The following THSD7A variants were observed in gnomAD, a reference collection of about 807,000 sequenced individuals.
THSD7A encodes the protein thrombospondin type-1 domain-containing protein 7A.
THSD7A carries 96 observed loss-of-function variants against 231.3 expected under a neutral mutation model. The ratio of observed to expected loss-of-function variants is 0.41; its 90% confidence interval spans 0.35 to 0.49. THSD7A has a LOEUF of 0.49. Among genes scored for constraint, THSD7A ranks in the 20% least tolerant of loss-of-function variants. The probability of loss-of-function intolerance (pLI) is 0.05; values close to 1 mark genes in which losing one functional copy is unlikely to be tolerated. For synonymous variants in THSD7A, 940 were observed against 743.3 expected (o/e 1.26, Z -4.30); for missense variants, 2,290 against 2,070.2 (o/e 1.11, Z -2.06).
rs561627021 is a variant in THSD7A, at chr7:11,466,541, G to C, written c.2368+3338C>G. Among the ~76,000 whole-genome samples the C allele has an allele frequency of 3.3e-5, 5 of 152,198 alleles. No homozygotes were observed. In the East Asian group the frequency reaches 7.7e-4, roughly 24 times the overall value. ...ACAATGACCCTTCTATCACTCTCCAGTCTTTAAAAAATTTTTATTTCCTCA... is the reference window on the plus strand; with the variant it reads ...ACAATGACCCTTCTATCACTCTCCACTCTTTAAAAAATTTTTATTTCCTCA... On this transcript the variant is annotated intron_variant, in intron 9 of 27. Transcript: ENST00000423059.
intron 4 of THSD7A, among the ~76,000 whole-genome samples, chr7:11,547,927 A>T (rs1014890419): frequency 6.6e-6 from 1 of 152,192 alleles, no homozygotes; most frequent in Non-Finnish European, 1.5e-5. Context: ...TCAAATTAAC[A>T]ACATGAAATC....
intron 7 of THSD7A, among the ~76,000 whole-genome samples, chr7:11,481,374 G>T (rs39193): frequency 0.94 from 142,366 of 152,208 alleles, 66,743 homozygotes; most frequent in East Asian, 1. Flanking sequence ...TAAACTTTAT[G>T]ATTGGATATA....
chr7:11,820,059 T>C (rs1784822743), intron 1 of THSD7A, among the ~76,000 whole-genome samples: 1 of 151,910 alleles, frequency 6.6e-6, no homozygotes, highest in Non-Finnish European at 1.5e-5. Context: ...CAGTAACAGA[T>C]GAGAAAAACA....
chr7:11,595,881 G>C (rs1178843259), intron 2 of THSD7A, among the ~76,000 whole-genome samples: 1 of 152,252 alleles, frequency 6.6e-6, no homozygotes, highest in Non-Finnish European at 1.5e-5. Flanking sequence ...ATGGACAGCA[G>C]AGGCAAAGCA....
chr7:11,806,525 G>T (rs1784401358), intron 1 of THSD7A, among the ~76,000 whole-genome samples: 1 of 152,112 alleles, frequency 6.6e-6, no homozygotes, highest in Non-Finnish European at 1.5e-5. Flanking sequence ...TAAATAAAAA[G>T]GCAGGAGTAT....
At position 11,799,212 on chromosome 7, in the gene THSD7A, C is replaced by T. The variant is rs561588647; in HGVS notation, c.190+32545G>A. Among the ~76,000 whole-genome samples the T allele has an allele frequency of 6.6e-5, 10 of 152,240 alleles. 1 individual carries two copies. Among genetic ancestry groups the T allele is most frequent in the Admixed American group, 3.9e-4 (6 of 15,280 alleles). ...CTGGGATTAGAGGCATGAGCCACCG[C>T]GCCCGGCCTTACCAACTTTTATGAT... On this transcript the variant is annotated intron_variant, in intron 1 of 27. Coordinates refer to ENST00000423059, the MANE Select transcript of THSD7A (RefSeq NM_015204.3).
intron 22 of THSD7A, among the ~76,000 whole-genome samples, chr7:11,404,011 T>G (rs942553111): frequency 1.3e-5 from 2 of 152,296 alleles, no homozygotes; most frequent in South Asian, 2.1e-4. Context: ...AATGAATAGA[T>G]TGTAATTTAG....
intron 1 of THSD7A, among the ~76,000 whole-genome samples, chr7:11,826,812 C>CAA (rs3037773): frequency 2.3e-4 from 28 of 120,770 alleles, no homozygotes; most frequent in Non-Finnish European, 4.2e-4. Flanking sequence ...GCCTCTGTCT[C>CAA]AAAAAAAAAA....
At chr7:11,769,145 A>ATTTTTTTTTTT (rs1333399771) in intron 1 of THSD7A, among the ~76,000 whole-genome samples, 1 of 36,002 alleles carries the variant, frequency 2.8e-5, no homozygotes, top group Non-Finnish European at 6.1e-5. Context: ...ATATATATAT[A>ATTTTTTTTTTT]TATATATATT....
chr7:11,793,966 TG>T (rs1405347749), intron 1 of THSD7A, among the ~76,000 whole-genome samples: 1 of 151,912 alleles, frequency 6.6e-6, no homozygotes, highest in Non-Finnish European at 1.5e-5. Flanking sequence ...TCTAAAGTTT[TG>T]GAAACTAGGG....
At chr7:11,658,966 G>C (rs1782813938) in intron 1 of THSD7A, among the ~76,000 whole-genome samples, 2 of 151,456 alleles carry the variant, frequency 1.3e-5, no homozygotes, top group Non-Finnish European at 3.0e-5. Flanking sequence ...ATCAACTGTG[G>C]GTATATTTCT....
chr7:11,607,405 A>G (rs1780769457), intron 2 of THSD7A, among the ~76,000 whole-genome samples: 1 of 152,074 alleles, frequency 6.6e-6, no homozygotes, highest in African/African-American at 2.4e-5. Context: ...TCTGTCCCAC[A>G]GTTTTTCCAT....
intron 6 of THSD7A, among the ~76,000 whole-genome samples, chr7:11,506,636 A>G (rs1226102501): frequency 6.6e-6 from 1 of 150,520 alleles, no homozygotes; most frequent in Non-Finnish European, 1.5e-5. Context: ...GGCTCCCTCT[A>G]CTCTTCTCAT....
rs1784623003 is a variant in THSD7A at position 11,814,531 on chromosome 7, T to C, written c.190+17226A>G. Among the ~76,000 whole-genome samples the C allele has an allele frequency of 6.6e-6, 1 of 152,178 alleles. No homozygotes were observed. The highest frequency in any genetic ancestry group is 1.5e-5 in the Non-Finnish European group (1 of 68,032). On this transcript the variant is annotated intron_variant, in intron 1 of 27. Coordinates refer to ENST00000423059, the MANE Select transcript of THSD7A (RefSeq NM_015204.3). This position sits in a 1 kb window ranked among gnomAD's most constrained non-coding sequence, Gnocchi z 5.1. ...ACTTTCATCATGATTTGGGAAATCA[T>C]GACTTTCATGATTCTGCAGTGCTTG...
At chr7:11,616,833 A>G (rs1028251353) in intron 2 of THSD7A, among the ~76,000 whole-genome samples, 6 of 152,204 alleles carry the variant, frequency 3.9e-5, no homozygotes, top group Non-Finnish European at 7.3e-5. Context: ...AAATAGCAAA[A>G]AGAGCAGGGA....
chr7:11,740,863 A>G (rs772664209), intron 1 of THSD7A, among the ~76,000 whole-genome samples: 21 of 152,006 alleles, frequency 1.4e-4, no homozygotes, highest in Non-Finnish European at 2.2e-4. Flanking sequence ...TCCATAGCAT[A>G]TTAGTCCTGG....
intron 1 of THSD7A, among the ~76,000 whole-genome samples, chr7:11,666,249 T>A (rs1783126395): frequency 6.6e-6 from 1 of 152,090 alleles, no homozygotes; most frequent in Admixed American, 6.6e-5. Context: ...TAGTGAGATA[T>A]CTTGGTGGTA....
intron 6 of THSD7A, among the ~76,000 whole-genome samples, chr7:11,509,598 C>A (rs949364117): frequency 6.6e-6 from 1 of 150,908 alleles, no homozygotes; most frequent in Non-Finnish European, 1.5e-5. Flanking sequence ...TTTGGGAGGC[C>A]GAGGCGGGTG....
At chr7:11,811,328 C>T (rs569071541) in intron 1 of THSD7A, among the ~76,000 whole-genome samples, 1 of 152,234 alleles carries the variant, frequency 6.6e-6, no homozygotes, top group Non-Finnish European at 1.5e-5. Flanking sequence ...GTTAAAATTG[C>T]TATTTTTATA....
Sources: gnomAD v4.1 joint callset for allele counts (sites outside exome capture counted in the v4.1 genomes callset) on GRCh38, gnomAD v4.1.1 for gene constraint, Gnocchi (gnomAD v3.1) non-coding constraint, MANE v1.5 for transcripts, NCBI Gene and HGNC (gene_info 2026-07-23, HGNC 2026-07-21) for gene names.